Variants in ZNF521 observed in about 807,000 individuals in gnomAD.
ZNF521 encodes zinc finger protein 521, also known as LYST-interacting protein 3.
ZNF521 carries 14 observed loss-of-function variants against 105.5 expected under a neutral mutation model. The observed-to-expected ratio is 0.13, with a 90% CI of 0.09 to 0.21. The LOEUF is 0.21. Ranked by LOEUF, ZNF521 falls within the 10% of genes least tolerant of loss-of-function variation. The probability of loss-of-function intolerance (pLI) is 1.00; values close to 1 mark genes in which losing one functional copy is unlikely to be tolerated. For missense variants in ZNF521, 1,233 were observed against 1,629.7 expected (o/e 0.76, Z 4.19); for synonymous variants, 635 against 606.0 (o/e 1.05, Z -0.70).
chr18:25,223,926 T>C, intron 4 of ZNF521: 3 of 231,444 alleles, frequency 1.3e-5, no homozygotes, highest in Non-Finnish European at 8.6e-6. Context: ...CCCAAATATA[T>C]ATATTCTTTT....
intron 2 of ZNF521, among the ~76,000 whole-genome samples, chr18:25,335,285 T>A (rs1042878040): frequency 2.6e-5 from 4 of 152,226 alleles, no homozygotes; most frequent in African/African-American, 9.7e-5. Flanking sequence ...CTCCCTAGTC[T>A]GTCACAAAGT....
chr18:25,330,915 T>G (rs1482805388), intron 2 of ZNF521, among the ~76,000 whole-genome samples: 1 of 152,134 alleles, frequency 6.6e-6, no homozygotes, highest in Non-Finnish European at 1.5e-5. Flanking sequence ...GTACACAAAC[T>G]CAAAATCACC....
intron 5 of ZNF521, among the ~76,000 whole-genome samples, chr18:25,141,862 A>G (rs2034854311): frequency 6.6e-6 from 1 of 152,158 alleles, no homozygotes; most frequent in African/African-American, 2.4e-5. Flanking sequence ...AAACATCACC[A>G]TACGACTGTC....
intron 7 of ZNF521, among the ~76,000 whole-genome samples, chr18:25,075,545 A>G (rs1488371105): frequency 6.6e-6 from 1 of 152,192 alleles, no homozygotes; most frequent in African/African-American, 2.4e-5. Context: ...GCAGAAATAC[A>G]TCTGGCAGTA....
chr18:25,291,340 G>A lies in ZNF521; in HGVS notation c.220+30668C>T, dbSNP rs1345972163. ...ATTAAATGCAATAAAATGAATAAAT[G>A]TTCCATGTCAGCATTTTGGCTTAGG... On this transcript the variant is annotated intron_variant, in intron 3 of 7. Coordinates refer to ENST00000361524, the MANE Select transcript of ZNF521 (RefSeq NM_015461.3). Among the ~76,000 whole-genome samples, 3 of 152,136 alleles carry A rather than the reference G, an allele frequency of 2.0e-5. No homozygotes were observed. The East Asian group carries it at 5.8e-4, about 29-fold the overall frequency.
intron 7 of ZNF521, among the ~76,000 whole-genome samples, chr18:25,087,707 TA>T (rs999454631): frequency 2.0e-5 from 3 of 152,232 alleles, no homozygotes; most frequent in Non-Finnish European, 4.4e-5. Flanking sequence ...ATTATTTTAA[TA>T]AGATGTATTT....
chr18:25,284,792 T>G (rs1600256729), intron 3 of ZNF521, among the ~76,000 whole-genome samples: 1 of 151,978 alleles, frequency 6.6e-6, no homozygotes, highest in East Asian at 1.9e-4. Context: ...CAGCTAAGCC[T>G]GGAAGGAAAC....
intron 5 of ZNF521, among the ~76,000 whole-genome samples, chr18:25,134,344 T>C (rs532639962): frequency 6.6e-6 from 1 of 152,264 alleles, no homozygotes; most frequent in African/African-American, 2.4e-5. Context: ...ACATGAGATT[T>C]GCAGAATATA....
chr18:25,282,766 C>T (rs1271490682), intron 3 of ZNF521, among the ~76,000 whole-genome samples: 1 of 151,670 alleles, frequency 6.6e-6, no homozygotes, highest in Non-Finnish European at 1.5e-5. Context: ...TTTTTTCCCC[C>T]CTTTAGGCCT....
chr18:25,308,520 CTA>C (rs1912110529), intron 3 of ZNF521, among the ~76,000 whole-genome samples: 2 of 151,988 alleles, frequency 1.3e-5, no homozygotes, highest in Admixed American at 1.3e-4. Flanking sequence ...TACCTCTTTC[CTA>C]TTCTTTCTCT....
chr18:25,202,543 G>C (rs181990263), intron 4 of ZNF521: 1 of 152,350 alleles, frequency 6.6e-6, no homozygotes, highest in Non-Finnish European at 1.5e-5. Context: ...AATGGGAAGA[G>C]AGAAGCGGTT....
In ZNF521 at chr18:25,224,329, A is replaced by T. The variant is rs140192405; in HGVS notation, c.3573+16T>A. ...TTGAGGAGGTTAAATAGCAAACATTAAAAAAGGCGAGTTACCTCATCCGAC... is the reference window on the plus strand; with the variant it reads ...TTGAGGAGGTTAAATAGCAAACATTTAAAAAGGCGAGTTACCTCATCCGAC... On this transcript the variant is annotated intron_variant, in intron 4 of 7. Coordinates refer to ENST00000361524, the MANE Select transcript of ZNF521 (RefSeq NM_015461.3). The T allele has an allele frequency of 1.3e-6, 2 of 1,592,252 alleles. No individual in the cohort carries two copies. The highest frequency in any genetic ancestry group is 2.7e-5 in the African/African-American group (2 of 74,152).
chr18:25,225,098 G>T lies in ZNF521; in HGVS notation c.2820C>A (p.Phe940Leu). 1 of 1,614,182 alleles carries T rather than the reference G, an allele frequency of 6.2e-7. No individual in the cohort carries two copies. The highest frequency in any genetic ancestry group is 8.5e-7 in the Non-Finnish European group (1 of 1,180,016). The change falls in exon 4 of 8, where the codon TTC becomes TTA. Residue 940 changes from phenylalanine (F) to leucine (L), a missense_variant. Physicochemically the swap from Phe to Leu is conservative, Grantham distance 22. Transcript: ENST00000361524. The surrounding 1 kb of genome is among the most constrained non-coding windows in gnomAD (Gnocchi z 5.6). ...TATGTTCCCGGAGGCCATTTTCGGA[G>T]AAGAAGGTTCGAGAGCACACGTTGC... ...YKCNVCSRTF[F>L]SENGLREHMQ...
At chr18:25,065,012 A>G (rs1776414490) in intron 7 of ZNF521, among the ~76,000 whole-genome samples, 1 of 152,224 alleles carries the variant, frequency 6.6e-6, no homozygotes, top group South Asian at 2.1e-4. Flanking sequence ...AAAGGGTAAT[A>G]AAAGTACTAA....
intron 5 of ZNF521, among the ~76,000 whole-genome samples, chr18:25,093,290 A>G (rs2033786590): frequency 1.3e-5 from 2 of 152,288 alleles, no homozygotes; most frequent in Non-Finnish European, 2.9e-5. Flanking sequence ...AAGACTACTT[A>G]CTAAAGGGTA....
At chr18:25,145,027 T>TAC (rs1185244038) in intron 5 of ZNF521, among the ~76,000 whole-genome samples, 1 of 152,180 alleles carries the variant, frequency 6.6e-6, no homozygotes, top group Non-Finnish European at 1.5e-5. Context: ...TGGCTGCAGA[T>TAC]GACTGTCTGT....
At chr18:25,197,091 AC>A (rs1402906745) in intron 4 of ZNF521, among the ~76,000 whole-genome samples, 3 of 151,876 alleles carry the variant, frequency 2.0e-5, no homozygotes, top group Non-Finnish European at 4.4e-5. Flanking sequence ...AGCACTTACT[AC>A]TATCTTCAAA....
At position 25,226,539 on chromosome 18, in the gene ZNF521, T is replaced by G; in HGVS notation, c.1379A>C (p.His460Pro). Residue 460 changes from histidine (H) to proline (P), a missense_variant, in exon 4 of 8, where the codon CAT (histidine) becomes CCT (proline). By Grantham distance (77) the His-to-Pro change is moderately conservative (BLOSUM62 -2). Around this residue, in one of 6 missense-constraint regions of ZNF521, gnomAD observed 380 missense variants for 478.0 expected, o/e 0.80. Coordinates refer to ENST00000361524, the MANE Select transcript of ZNF521 (RefSeq NM_015461.3). This position sits in a 1 kb window ranked among gnomAD's most constrained non-coding sequence, Gnocchi z 4.1. ...YNLNEHLKQV[H>P]EAQDPGLIVS... ...AATCAGACCTGGGTCCTGAGCTTCA[T>G]GCACTTGCTTAAGATGTTCATTTAG... is the stretch of plus-strand genomic sequence containing the variant. 1 of 1,614,146 alleles carries G rather than the reference T, an allele frequency of 6.2e-7. No homozygotes were observed.
chr18:25,299,413 G>C (rs1425053492), intron 3 of ZNF521, among the ~76,000 whole-genome samples: 1 of 152,146 alleles, frequency 6.6e-6, no homozygotes, highest in Non-Finnish European at 1.5e-5. Flanking sequence ...AAGTAACTGT[G>C]AAGAATTCTG....
Sources: allele counts gnomAD v4.1 joint callset (sites outside exome capture counted in the v4.1 genomes callset), GRCh38; gene constraint gnomAD v4.1.1; regional missense constraint gnomAD v4.1.1; non-coding constraint Gnocchi (gnomAD v3.1); transcripts MANE v1.5; gene names NCBI Gene and HGNC (gene_info 2026-07-23, HGNC 2026-07-21).